Variants in NFAT5 observed in about 807,000 individuals in gnomAD.
NFAT5 encodes nuclear factor of activated T cells 5, also known as nuclear factor of activated T-cells 5.
Under a neutral mutation model 166.5 loss-of-function variants are expected in NFAT5, and 31 were observed. The observed-to-expected ratio is 0.19, with a 90% CI of 0.14 to 0.25. The LOEUF (loss-of-function observed/expected upper bound fraction) is 0.25. Among genes scored for constraint, NFAT5 ranks in the 10% least tolerant of loss-of-function variants. The pLI is 1.00. For synonymous variants in NFAT5, 612 were observed against 639.7 expected (o/e 0.96, Z 0.65); for missense variants, 1,449 against 1,821.8 (o/e 0.80, Z 3.72).
Position 69,693,284 on chromosome 16 carries a change from G to T in NFAT5, c.3459G>T (p.Gln1153His), listed in dbSNP as rs571566183. 5 of 1,614,110 alleles carry T rather than the reference G, an allele frequency of 3.1e-6. No homozygotes were observed. In the African/African-American group the frequency reaches 6.7e-5, roughly 22 times the overall value. ...AGGGCTCTTCAGTTCCTCAAGACCAGCAGTCAACCAACATATTTCTTTCCC... is the reference window on the plus strand; with the variant it reads ...AGGGCTCTTCAGTTCCTCAAGACCATCAGTCAACCAACATATTTCTTTCCC... Reference protein sequence around the residue: ...VLQGSSVPQDQQSTNIFLSQS... With the variant: ...VLQGSSVPQDHQSTNIFLSQS... Residue 1153 changes from glutamine (Q) to histidine (H), a missense_variant, in exon 13 of 15, where the codon CAG (glutamine) becomes CAT (histidine). By Grantham distance (24) the Gln-to-His change is conservative. Around this residue, in one of 7 missense-constraint regions of NFAT5, gnomAD observed 891 missense variants for 993.0 expected, o/e 0.90. Coordinates refer to ENST00000349945, the MANE Select transcript of NFAT5 (RefSeq NM_138713.4).
At chr16:69,657,136 T>A (rs1229384021) in intron 6 of NFAT5, among the ~76,000 whole-genome samples, 4 of 83,538 alleles carry the variant, frequency 4.8e-5, no homozygotes, top group Non-Finnish European at 7.0e-5. Context: ...ATTTTGTAAA[T>A]TTTTTTTTTT....
At chr16:69,603,292 A>AG (rs2033236148) in intron 2 of NFAT5, among the ~76,000 whole-genome samples, 2 of 152,278 alleles carry the variant, frequency 1.3e-5, no homozygotes, top group Non-Finnish European at 2.9e-5. Flanking sequence ...TTATAACCTA[A>AG]AGTGTGCAAA....
intron 2 of NFAT5, among the ~76,000 whole-genome samples, chr16:69,589,587 C>T (rs1346517583): frequency 6.6e-6 from 1 of 152,058 alleles, no homozygotes; most frequent in African/African-American, 2.4e-5. Flanking sequence ...GAGTAGAAAG[C>T]AGTAGCCCTA....
At chr16:69,620,699 AAAG>A (rs2034158397) in intron 2 of NFAT5, among the ~76,000 whole-genome samples, 1 of 152,246 alleles carries the variant, frequency 6.6e-6, no homozygotes, top group East Asian at 1.9e-4. Flanking sequence ...CTAGATTAAA[AAAG>A]AGAGAGAGAG....
chr16:69,673,400 A>C (rs1383411239), intron 9 of NFAT5, among the ~76,000 whole-genome samples: 2 of 151,976 alleles, frequency 1.3e-5, no homozygotes, highest in East Asian at 3.8e-4. Flanking sequence ...AAAGGAAGAA[A>C]ACCCACAAAG....
intron 11 of NFAT5, among the ~76,000 whole-genome samples, chr16:69,687,415 T>C (rs1142105): frequency 0.17 from 23,516 of 138,252 alleles, 2,069 homozygotes; most frequent in East Asian, 0.41. Context: ...CACTCCAGCT[T>C]GGGCAATAGA....
At chr16:69,605,599 A>G (rs1055402184) in intron 2 of NFAT5, among the ~76,000 whole-genome samples, 1 of 152,152 alleles carries the variant, frequency 6.6e-6, no homozygotes, top group Non-Finnish European at 1.5e-5. Flanking sequence ...GCTATCAACT[A>G]TCTGATTTTG....
chr16:69,641,031 GC>G (rs2035184698), intron 3 of NFAT5, among the ~76,000 whole-genome samples: 1 of 151,008 alleles, frequency 6.6e-6, no homozygotes. Context: ...TGTAATCCCA[GC>G]ACTTTGAGAG....
chr16:69,648,451 T>C, intron 4 of NFAT5: 1 of 976,328 alleles, frequency 1.0e-6, no homozygotes. Context: ...AGAGTCGATA[T>C]TTTTTTTAAA....
chr16:69,632,629 A>G (rs1326779519), intron 3 of NFAT5: 2 of 152,224 alleles, frequency 1.3e-5, no homozygotes, highest in Non-Finnish European at 2.9e-5. Context: ...AAGTATTTAC[A>G]GTTATATAAT....
chr16:69,658,091 A>T (rs1396967128), intron 6 of NFAT5, among the ~76,000 whole-genome samples: 1 of 151,464 alleles, frequency 6.6e-6, no homozygotes, highest in Non-Finnish European at 1.5e-5. Context: ...TCAAAAAAAA[A>T]AAAATAAATA....
intron 2 of NFAT5, among the ~76,000 whole-genome samples, chr16:69,594,514 A>G (rs1436983200): frequency 6.6e-6 from 1 of 152,168 alleles, no homozygotes; most frequent in Non-Finnish European, 1.5e-5. Context: ...CATTTTCCCT[A>G]CTTGATCTAC....
At chr16:69,608,278 G>T in intron 2 of NFAT5, among the ~76,000 whole-genome samples, 1 of 152,120 alleles carries the variant, frequency 6.6e-6, no homozygotes, top group East Asian at 1.9e-4. Context: ...AATCCCTTGA[G>T]TAGTTCCCCA....
chr16:69,677,103 A>G, intron 9 of NFAT5, 100 bp from the exon 10 acceptor site: 1 of 1,129,108 alleles, frequency 8.9e-7, no homozygotes, highest in East Asian at 2.7e-5. Context: ...TTTTTTAATC[A>G]CTTTTTAAAC....
Position 69,693,911 on chromosome 16 carries a change from G to A in NFAT5, c.4086G>A (p.Ser1362=), listed in dbSNP as rs900852295. The change falls in exon 13 of 15, where the codon TCG becomes TCA. Residue 1362 remains serine (S), a synonymous_variant. Transcript: ENST00000349945. The part of the protein sequence containing the change: ...SSLQNPGPTQ[S]ESSQTPLFHS... Reference sequence around the variant, plus strand: ...TTCAGAACCCAGGTCCTACCCAGTCGGAATCATCACAGACCCCCTTGTTCC... The same window carrying A: ...TTCAGAACCCAGGTCCTACCCAGTCAGAATCATCACAGACCCCCTTGTTCC... 18 of 1,614,050 alleles carry A rather than the reference G, an allele frequency of 1.1e-5. No individual in the cohort carries two copies. The highest frequency in any genetic ancestry group is 1.6e-4 in the Middle Eastern group (1 of 6,084).
intron 2 of NFAT5, among the ~76,000 whole-genome samples, chr16:69,591,648 G>GA (rs1386353690): frequency 6.6e-6 from 1 of 152,042 alleles, no homozygotes; most frequent in Non-Finnish European, 1.5e-5. Flanking sequence ...AATATGTTGA[G>GA]AAAAAAAGTT....
At chr16:69,603,228 T>C (rs1444856329) in intron 2 of NFAT5, among the ~76,000 whole-genome samples, 2 of 152,200 alleles carry the variant, frequency 1.3e-5, no homozygotes, top group Non-Finnish European at 2.9e-5. Flanking sequence ...TTTTATGATA[T>C]ATCACCTTTA....
chr16:69,565,989 G>A lies in NFAT5; in HGVS notation c.-313G>A. 3 of 301,396 alleles carry A rather than the reference G, an allele frequency of 1.0e-5. No individual in the cohort carries two copies. Among genetic ancestry groups the A allele is most frequent in the Middle Eastern group, 2.1e-3 (2 of 956 alleles). The allele number at this position is 301,396 out of a possible 1,614,324, so 18.7% of individuals were successfully genotyped here. A position where few individuals can be genotyped will look rare whatever the true frequency, so the allele number is the denominator to read the frequency against. ...TCAGATTCCTGTCAGCGGCGGCGGCGGTGGCGGCGACCGTCAGTTTTCGCT... is the reference window on the plus strand; with the variant it reads ...TCAGATTCCTGTCAGCGGCGGCGGCAGTGGCGGCGACCGTCAGTTTTCGCT... On this transcript the variant is annotated 5_prime_UTR_variant, in exon 1 of 15. Coordinates refer to ENST00000349945, the MANE Select transcript of NFAT5 (RefSeq NM_138713.4).
chr16:69,694,274 C>A lies in NFAT5; in HGVS notation c.4414+35C>A. On this transcript the variant is annotated intron_variant, in intron 13 of 14. Transcript: ENST00000349945. Reference sequence around the variant, plus strand: ...TCTAATTTTTCATTACTTAATTGGTCATTATTATTATTAGAAGGAAGCAGA... The same window carrying A: ...TCTAATTTTTCATTACTTAATTGGTAATTATTATTATTAGAAGGAAGCAGA... The A allele has an allele frequency of 3.3e-6, 5 of 1,499,774 alleles. No individual in the cohort carries two copies. The South Asian group carries it at 4.9e-5, about 15-fold the overall frequency. 92.9% of individuals were successfully genotyped at this position (1,499,774 alleles called of 1,614,324 possible).
Sources: allele counts gnomAD v4.1 joint callset (sites outside exome capture counted in the v4.1 genomes callset), GRCh38; gene constraint gnomAD v4.1.1; regional missense constraint gnomAD v4.1.1; transcripts MANE v1.5; gene names NCBI Gene and HGNC (gene_info 2026-07-23, HGNC 2026-07-21).